NEBL: variants seen among roughly 807,000 people sequenced by gnomAD.
NEBL encodes nebulette.
In NEBL, 122 loss-of-function variants were observed where a neutral mutation model predicts 140.2. The ratio of observed to expected loss-of-function variants is 0.87; its 90% CI spans 0.75 to 1.01. The LOEUF is 1.01. Ranked by LOEUF, NEBL falls within the 50% of genes least tolerant of loss-of-function variation. The pLI is 0.00. For missense variants in NEBL, 1,365 were observed against 1,231.3 expected, an observed-to-expected ratio of 1.11 and a Z score of -1.62; for synonymous variants, 436 against 398.9, an observed-to-expected ratio of 1.09 and a Z score of -1.11.
At chr10:20,932,997 A>G (rs879627280) in intron 4 of NEBL, among the ~76,000 whole-genome samples, 1 of 152,248 alleles carries the variant, frequency 6.6e-6, no homozygotes, top group Non-Finnish European at 1.5e-5. Context: ...ATCCAATTGC[A>G]TAAATTAGGT....
intron 11 of NEBL, among the ~76,000 whole-genome samples, chr10:20,849,444 G>T (rs1182568101): frequency 2.6e-5 from 4 of 152,176 alleles, no homozygotes; most frequent in Non-Finnish European, 5.9e-5. Context: ...CTGTTGGGGG[G>T]TGGGAACTCT....
chr10:21,004,162 A>G (rs1291697308), intron 3 of NEBL, among the ~76,000 whole-genome samples: 1 of 152,206 alleles, frequency 6.6e-6, no homozygotes, highest in African/African-American at 2.4e-5. Flanking sequence ...ACTGACCTAC[A>G]TTGATTCCTT....
At chr10:21,120,650 T>C (rs1198664049) in intron 2 of NEBL, among the ~76,000 whole-genome samples, 1 of 135,478 alleles carries the variant, frequency 7.4e-6, no homozygotes, top group Non-Finnish European at 1.5e-5. Flanking sequence ...TTATTGGGGA[T>C]TGGCACTCTT....
At chr10:21,120,325 T>C (rs1433909657) in intron 2 of NEBL, among the ~76,000 whole-genome samples, 1 of 139,788 alleles carries the variant, frequency 7.2e-6, no homozygotes, top group East Asian at 2.1e-4. Context: ...CAGTGAGCTG[T>C]GATAGCACAA....
At chr10:21,248,144 C>T (rs1041603843) in intron 2 of NEBL, 5 of 199,484 alleles carry the variant, frequency 2.5e-5, no homozygotes, top group East Asian at 1.2e-4. Flanking sequence ...AATCATGGCT[C>T]GCTGCCCCCT....
rs1434218393 is a variant in NEBL at position 20,831,585 on chromosome 10, T to C, written c.1450-2A>G. The C allele has an allele frequency of 6.3e-7, 1 of 1,581,662 alleles. No homozygotes were observed. Among genetic ancestry groups the C allele is most frequent in the East Asian group, 2.2e-5 (1 of 44,662 alleles). On this transcript the variant is annotated splice_acceptor_variant, in intron 14 of 27. Coordinates refer to ENST00000377122, the MANE Select transcript of NEBL (RefSeq NM_006393.3). LOFTEE classifies it high-confidence loss of function. Reference sequence around the variant, plus strand: ...CTCCAGATCTCTTTTATAGTCTTTCTGCAGAAAATGAAACATACAGTTAGT... The same window carrying C: ...CTCCAGATCTCTTTTATAGTCTTTCCGCAGAAAATGAAACATACAGTTAGT...
intron 3 of NEBL, among the ~76,000 whole-genome samples, chr10:21,226,158 C>T (rs1842144645): frequency 6.6e-6 from 1 of 151,858 alleles, no homozygotes; most frequent in African/African-American, 2.4e-5. Flanking sequence ...CCTTCTGGCC[C>T]CCAGTGTGTC....
At chr10:20,862,379 T>C (rs774424151) in intron 7 of NEBL, among the ~76,000 whole-genome samples, 4 of 152,092 alleles carry the variant, frequency 2.6e-5, no homozygotes, top group Non-Finnish European at 4.4e-5. Flanking sequence ...CTACATTATA[T>C]AAAAAAATGC....
intron 1 of NEBL, among the ~76,000 whole-genome samples, chr10:21,290,180 AT>A (rs1843123451): frequency 6.6e-6 from 1 of 152,196 alleles, no homozygotes; most frequent in Non-Finnish European, 1.5e-5. Context: ...TCTGTGGGAA[AT>A]TGGAACCACT....
At chr10:21,047,630 T>C (rs1834580094) in intron 2 of NEBL, among the ~76,000 whole-genome samples, 1 of 151,910 alleles carries the variant, frequency 6.6e-6, no homozygotes, top group Admixed American at 6.5e-5. Flanking sequence ...GCCAAGTACA[T>C]AGCATTGACC....
chr10:21,049,792 T>C lies in NEBL; in HGVS notation c.165-29591A>G, dbSNP rs1010157414. 5.5e-4 allele frequency among the ~76,000 whole-genome samples: 84 copies of C among 152,218 alleles called. 1 individual carries two copies. Among genetic ancestry groups the C allele is most frequent in the African/African-American group, 2.0e-3 (81 of 41,448 alleles). On this transcript the variant is annotated intron_variant, in intron 2 of 6. Coordinates refer to the NEBL transcript ENST00000417816. ...GTGTTTCTGCATCTCTCTTCTCTAA[T>C]GTGGAGAGAGGAAGGCCACTTAGAG...
chr10:21,260,760 C>T (rs1461665805), intron 1 of NEBL, among the ~76,000 whole-genome samples: 1 of 152,152 alleles, frequency 6.6e-6, no homozygotes, highest in African/African-American at 2.4e-5. Flanking sequence ...AAAAATGTTG[C>T]CCCTCATTAT....
intron 4 of NEBL, among the ~76,000 whole-genome samples, chr10:20,921,617 C>G (rs1284874789): frequency 3.3e-5 from 5 of 152,168 alleles, no homozygotes; most frequent in Non-Finnish European, 7.3e-5. Flanking sequence ...CGGGGCACCT[C>G]ACTATCCCTT....
intron 3 of NEBL, among the ~76,000 whole-genome samples, chr10:20,981,524 T>C (rs1837041223): frequency 6.6e-6 from 1 of 152,198 alleles, no homozygotes; most frequent in Non-Finnish European, 1.5e-5. Context: ...ACATCCCTTC[T>C]TTGGGTAACA....
At chr10:21,166,522 T>C (rs1840786285) in intron 2 of NEBL, among the ~76,000 whole-genome samples, 1 of 152,200 alleles carries the variant, frequency 6.6e-6, no homozygotes, top group Admixed American at 6.5e-5. Context: ...CCCCACTCTT[T>C]CTTCACCCCT....
chr10:21,055,293 C>G (rs767960977), intron 2 of NEBL, among the ~76,000 whole-genome samples: 4 of 152,294 alleles, frequency 2.6e-5, no homozygotes, highest in Non-Finnish European at 4.4e-5. Flanking sequence ...GGGAAGAATT[C>G]TCTGAGACCA....
chr10:21,136,897 T>A (rs574464616), intron 2 of NEBL, among the ~76,000 whole-genome samples: 128 of 152,340 alleles, frequency 8.4e-4, no homozygotes, highest in Non-Finnish European at 1.6e-3. Flanking sequence ...TTGCCCCCAA[T>A]GAGTCATGGA....
intron 16 of NEBL, among the ~76,000 whole-genome samples, chr10:20,830,258 C>A (rs1840277274): frequency 1.3e-5 from 2 of 152,194 alleles, no homozygotes; most frequent in African/African-American, 4.8e-5. Flanking sequence ...GTTACACAAT[C>A]CTTTCTGCAT....
rs1409547551 is a variant in NEBL at position 20,859,768 on chromosome 10, G to A, written c.743C>T (p.Pro248Leu). The A allele has an allele frequency of 5.6e-6, 9 of 1,603,718 alleles. No individual in the cohort carries two copies. The highest frequency in any genetic ancestry group is 8.5e-7 in the Non-Finnish European group (1 of 1,171,862). The change falls in exon 8 of 28, where the codon CCT (proline) becomes CTT (leucine). Residue 248 changes from proline to leucine, a missense_variant. Around this residue, in one of 2 missense-constraint regions of NEBL, gnomAD observed 1,323 missense variants for 1,154.8 expected, o/e 1.15. Coordinates refer to ENST00000377122, the MANE Select transcript of NEBL (RefSeq NM_006393.3). ...CTGCCTAAAAGAAGCACTTTCAAGA[G>A]GATTGTAATGATGTTTCTTATCCTT... is the stretch of plus-strand genomic sequence containing the variant. The part of the protein sequence containing the change: ...EMKDKKHHYN[P>L]LESASFRQNQ...
Sources: gnomAD v4.1 joint callset for allele counts (sites outside exome capture counted in the v4.1 genomes callset) on GRCh38, gnomAD v4.1.1 for gene constraint, gnomAD v4.1.1 regional missense constraint, MANE v1.5 for transcripts, NCBI Gene and HGNC (gene_info 2026-07-23, HGNC 2026-07-21) for gene names.